MED27: variants seen among roughly 807,000 people sequenced by gnomAD.
MED27 encodes mediator of RNA polymerase II transcription subunit 27.
In MED27, 30 loss-of-function variants were observed where a neutral mutation model predicts 38.2. The observed-to-expected ratio is 0.79, with a 90% CI of 0.59 to 1.07. The LOEUF (loss-of-function observed/expected upper bound fraction) is 1.07, where lower values mean the gene tolerates loss of function less well. Among genes scored for constraint, MED27 ranks in the 50% least tolerant of loss-of-function variants. The pLI is 0.00. For synonymous variants in MED27, 122 were observed against 153.5 expected (o/e 0.79, Z 1.52); for missense variants, 289 against 397.5 (o/e 0.73, Z 2.32).
At chr9:131,974,258 G>T (rs189308276) in intron 3 of MED27, among the ~76,000 whole-genome samples, 1 of 152,098 alleles carries the variant, frequency 6.6e-6, no homozygotes, top group Non-Finnish European at 1.5e-5. Context: ...GTCCTGTTTC[G>T]GTTAGTTAAA....
chr9:131,899,690 C>T (rs959737841), intron 4 of MED27, among the ~76,000 whole-genome samples: 8 of 152,308 alleles, frequency 5.3e-5, no homozygotes, highest in African/African-American at 1.9e-4. Flanking sequence ...GTAACAGGAG[C>T]CCTCCTGGCT....
chr9:132,056,433 C>T (rs1481967094), intron 2 of MED27, among the ~76,000 whole-genome samples: 3 of 152,150 alleles, frequency 2.0e-5, no homozygotes, highest in Non-Finnish European at 4.4e-5. Flanking sequence ...GGTGAAAATA[C>T]CACCAATTTC....
intron 2 of MED27, among the ~76,000 whole-genome samples, chr9:132,049,683 C>A (rs1833418748): frequency 6.6e-6 from 1 of 152,174 alleles, no homozygotes; most frequent in South Asian, 2.1e-4. Context: ...GACCTTCCAA[C>A]CAGAAAGGGC....
chr9:131,966,383 C>CAAAAAAAAAAAAAGAAAAAAAA (rs1831348449), intron 3 of MED27, among the ~76,000 whole-genome samples: 1 of 36,776 alleles, frequency 2.7e-5, no homozygotes, highest in Non-Finnish European at 4.2e-5. Context: ...GACCCTGTCA[C>CAAAAAAAAAAAAAGAAAAAAAA]AAAAAAAAAA....
intron 5 of MED27, among the ~76,000 whole-genome samples, chr9:131,887,048 C>T (rs1839152924): frequency 6.6e-6 from 1 of 152,188 alleles, no homozygotes; most frequent in Admixed American, 6.5e-5. Context: ...TTTACCCTTC[C>T]TGCCTGCTTA....
intron 2 of MED27, among the ~76,000 whole-genome samples, chr9:132,076,051 G>T (rs1232676184): frequency 6.6e-6 from 1 of 152,114 alleles, no homozygotes; most frequent in Non-Finnish European, 1.5e-5. Context: ...GACACTGGGA[G>T]GTCACCAGGT....
At chr9:131,977,710 C>T (rs1831639028) in intron 3 of MED27, among the ~76,000 whole-genome samples, 1 of 152,022 alleles carries the variant, frequency 6.6e-6, no homozygotes, top group African/African-American at 2.4e-5. Flanking sequence ...ATGGTCCTAG[C>T]CAAAAATAAT....
intron 2 of MED27, among the ~76,000 whole-genome samples, chr9:132,043,436 C>T (rs898833357): frequency 2.0e-5 from 3 of 151,690 alleles, no homozygotes; most frequent in African/African-American, 7.3e-5. Context: ...GGGCTCATAA[C>T]ACACGCACAG....
chr9:131,942,165 G>A (rs1830800449), intron 3 of MED27, among the ~76,000 whole-genome samples: 1 of 151,980 alleles, frequency 6.6e-6, no homozygotes, highest in Non-Finnish European at 1.5e-5. Context: ...ATCTTTCCTG[G>A]ATGGCTAAGA....
intron 3 of MED27, among the ~76,000 whole-genome samples, chr9:131,948,522 C>A (rs955634583): frequency 8.6e-5 from 13 of 151,330 alleles, no homozygotes; most frequent in South Asian, 2.1e-4. Context: ...AAACAAAAAA[C>A]CAAAACATAA....
At chr9:131,985,152 T>C (rs1015766595) in intron 3 of MED27, among the ~76,000 whole-genome samples, 7 of 152,226 alleles carry the variant, frequency 4.6e-5, no homozygotes, top group Non-Finnish European at 2.9e-5. Flanking sequence ...TCATGTGTCC[T>C]GCTCTGGATG....
intron 2 of MED27, among the ~76,000 whole-genome samples, chr9:132,057,706 C>T (rs1034872549): frequency 3.0e-4 from 46 of 152,206 alleles, no homozygotes. Flanking sequence ...TTTCCTAACA[C>T]GTGGTCCCAA....
intron 3 of MED27, among the ~76,000 whole-genome samples, chr9:131,941,323 C>T (rs887046492): frequency 6.6e-6 from 1 of 152,058 alleles, no homozygotes; most frequent in East Asian, 1.9e-4. Flanking sequence ...GATTAGTTCT[C>T]GGTTCACAAC....
chr9:132,051,649 T>C lies in MED27; in HGVS notation c.348+25793A>G, dbSNP rs575122233. Among the ~76,000 whole-genome samples the C allele has an allele frequency of 5.3e-5, 8 of 152,378 alleles. No individual in the cohort carries two copies. The East Asian group carries it at 1.5e-3, about 29-fold the overall frequency. ...TGGCCACTGGCTACAGGAGGCTATT[T>C]AAGTTTAATTAAAATTAAGTAAAAT... On this transcript the variant is annotated intron_variant, in intron 2 of 7. Coordinates refer to ENST00000292035, the MANE Select transcript of MED27 (RefSeq NM_004269.4). This position sits in a 1 kb window ranked among gnomAD's most constrained non-coding sequence, Gnocchi z 4.2.
intron 3 of MED27, among the ~76,000 whole-genome samples, chr9:131,960,893 C>T (rs1185810417): frequency 6.6e-6 from 1 of 152,124 alleles, no homozygotes; most frequent in Non-Finnish European, 1.5e-5. Context: ...GACAGAGTGA[C>T]AGCAGGAAAC....
intron 2 of MED27, among the ~76,000 whole-genome samples, chr9:132,071,849 T>G (rs566331251): frequency 6.0e-5 from 9 of 149,584 alleles, no homozygotes; most frequent in Non-Finnish European, 8.9e-5. Flanking sequence ...ACACACCCCA[T>G]GAACAAGCAC....
At chr9:131,969,813 C>G (rs1453424661) in intron 3 of MED27, among the ~76,000 whole-genome samples, 1 of 152,208 alleles carries the variant, frequency 6.6e-6, no homozygotes, top group Non-Finnish European at 1.5e-5. Context: ...TTTGGAATCT[C>G]TCTAAATCTC....
intron 2 of MED27, among the ~76,000 whole-genome samples, chr9:132,050,997 T>C (rs1272987539): frequency 2.6e-5 from 4 of 152,304 alleles, no homozygotes; most frequent in African/African-American, 4.8e-5. Context: ...CAATCATCAC[T>C]TGTCCAGGAA....
At chr9:131,996,678 T>A (rs1375591121) in intron 3 of MED27, among the ~76,000 whole-genome samples, 1 of 152,180 alleles carries the variant, frequency 6.6e-6, no homozygotes, top group African/African-American at 2.4e-5. Flanking sequence ...TTGAACAACA[T>A]GAGTTTGAAC....
Sources: allele counts gnomAD v4.1 joint callset (sites outside exome capture counted in the v4.1 genomes callset), GRCh38; gene constraint gnomAD v4.1.1; non-coding constraint Gnocchi (gnomAD v3.1); transcripts MANE v1.5; gene names NCBI Gene and HGNC (gene_info 2026-07-23, HGNC 2026-07-21).